The following CBFA2T2 variants were observed in gnomAD, a reference collection of about 807,000 sequenced individuals.
The protein encoded by CBFA2T2 is protein CBFA2T2.
Under a neutral mutation model 62.2 loss-of-function variants are expected in CBFA2T2, and 11 were observed. The observed-to-expected ratio is 0.18, with a 90% confidence interval of 0.11 to 0.29. The LOEUF is 0.29. Ranked by LOEUF, CBFA2T2 falls within the 10% of genes least tolerant of loss-of-function variation. The pLI is 1.00. For missense variants in CBFA2T2, 592 were observed against 774.1 expected, an observed-to-expected ratio of 0.76 and a Z score of 2.79; for synonymous variants, 295 against 287.5, an observed-to-expected ratio of 1.03 and a Z score of -0.27.
rs568783051 is a variant in CBFA2T2, at chr20:33,629,720, C to T, written c.1034C>T (p.Ala345Val). The change falls in exon 8 of 11, where the codon GCG becomes GTG. Residue 345 changes from alanine (A) to valine (V), a missense_variant and splice_region_variant. Physicochemically the swap from Ala to Val is moderately conservative, Grantham distance 64. This residue lies in a region of CBFA2T2 where 449 missense variants were observed against 551.2 expected (regional missense o/e 0.81). Coordinates refer to ENST00000342704, the MANE Select transcript of CBFA2T2 (RefSeq NM_001032999.3). ...TGCCTGGCCCCCTCTGTGACTCAGG[C>T]GCTGAATTGCATTATGGAAATGGTA... ...WADEWKHLDH[A>V]LNCIMEMVEK... is the part of the protein sequence containing the mutation. 44 of 1,611,322 alleles carry T rather than the reference C, an allele frequency of 2.7e-5. 1 individual carries two copies. The East Asian group carries it at 6.2e-4, about 23-fold the overall frequency.
intron 1 of CBFA2T2, among the ~76,000 whole-genome samples, chr20:33,520,954 ACACT>A (rs2011713503): frequency 6.8e-6 from 1 of 147,622 alleles, no homozygotes; most frequent in Non-Finnish European, 1.5e-5. Context: ...ACACACACAC[ACACT>A]TTCACCTGCC....
At chr20:33,512,395 A>C (rs1282107668) in intron 1 of CBFA2T2, among the ~76,000 whole-genome samples, 1 of 152,148 alleles carries the variant, frequency 6.6e-6, no homozygotes, top group Non-Finnish European at 1.5e-5. Context: ...ACCACTTCAG[A>C]AGCCTACCTT....
At chr20:33,512,117 C>T (rs1310463049) in intron 1 of CBFA2T2, among the ~76,000 whole-genome samples, 2 of 151,712 alleles carry the variant, frequency 1.3e-5, no homozygotes, top group Non-Finnish European at 2.9e-5. Flanking sequence ...GGGGAGGTTG[C>T]AGTGAGCTGA....
chr20:33,569,905 G>T lies in CBFA2T2; in HGVS notation c.35-37051G>T, dbSNP rs556181545. ...TCTATTTATTTTGGAGTTTAAAAAG[G>T]TACTAAAGCCAGGCCCTATGGTGTG... On this transcript the variant is annotated intron_variant, in intron 1 of 10. Transcript: ENST00000342704. Among the ~76,000 whole-genome samples, 7 of 152,200 alleles carry T rather than the reference G, an allele frequency of 4.6e-5. No individual in the cohort carries two copies. In the South Asian group the frequency reaches 1.5e-3, roughly 32 times the overall value.
intron 1 of CBFA2T2, among the ~76,000 whole-genome samples, chr20:33,595,712 G>T (rs929949863): frequency 2.0e-5 from 3 of 151,482 alleles, no homozygotes; most frequent in African/African-American, 7.3e-5. Flanking sequence ...CTAAATTTTT[G>T]TATGTTTTGT....
intron 1 of CBFA2T2, among the ~76,000 whole-genome samples, chr20:33,591,993 A>G (rs2014666957): frequency 6.6e-6 from 1 of 151,896 alleles, no homozygotes; most frequent in Non-Finnish European, 1.5e-5. Context: ...TTCTGTTTTC[A>G]TTGTCTGTCA....
intron 1 of CBFA2T2, among the ~76,000 whole-genome samples, chr20:33,531,216 G>T (rs934954904): frequency 3.9e-5 from 6 of 152,212 alleles, no homozygotes; most frequent in African/African-American, 1.4e-4. Context: ...GGAAATATTT[G>T]TTGAAGGGGA....
intron 1 of CBFA2T2, among the ~76,000 whole-genome samples, chr20:33,600,915 G>A (rs988301352): frequency 4.6e-5 from 7 of 151,836 alleles, no homozygotes. Context: ...ACAAGGGATT[G>A]TTTAAATGAA....
At chr20:33,601,507 C>T (rs572112777) in intron 1 of CBFA2T2, among the ~76,000 whole-genome samples, 2 of 152,206 alleles carry the variant, frequency 1.3e-5, no homozygotes, top group South Asian at 2.1e-4. Context: ...TCAGGTGATC[C>T]GCCCGCCTCA....
At chr20:33,501,582 T>G (rs957440430) in intron 1 of CBFA2T2, among the ~76,000 whole-genome samples, 3 of 151,018 alleles carry the variant, frequency 2.0e-5, no homozygotes, top group Non-Finnish European at 2.9e-5. Context: ...TAATTTTCCC[T>G]TGATAAGTTG....
In CBFA2T2 at chr20:33,513,771, G is replaced by A. The variant is rs185900409; in HGVS notation, c.34+23470G>A. On this transcript the variant is annotated intron_variant, in intron 1 of 10. Coordinates refer to ENST00000342704, the MANE Select transcript of CBFA2T2 (RefSeq NM_001032999.3). ...AGAGATTGCAGTGAGCCAAGATTGC[G>A]CAACTGCGCTACTGGCCGGGTGACA... Among the ~76,000 whole-genome samples the A allele has an allele frequency of 1.0e-3, 140 of 135,938 alleles. 1 individual carries two copies. Among genetic ancestry groups the A allele is most frequent in the Non-Finnish European group, 1.3e-3 (88 of 65,372 alleles). 89.2% of individuals were successfully genotyped at this position (135,938 alleles called of 152,430 possible).
At position 33,594,893 on chromosome 20, in the gene CBFA2T2, G is replaced by T. The variant is rs115130186; in HGVS notation, c.35-12063G>T. Among the ~76,000 whole-genome samples the T allele has an allele frequency of 5.4e-3, 819 of 152,288 alleles. 7 individuals carry two copies. Among genetic ancestry groups the T allele is most frequent in the African/African-American group, 0.019 (787 of 41,534 alleles). ...ATCAAATTTAATTTAAGTCTTTTCT[G>T]TTCATGTGAGAAATACTAAGCTGGT... On this transcript the variant is annotated intron_variant, in intron 1 of 10. Coordinates refer to ENST00000342704, the MANE Select transcript of CBFA2T2 (RefSeq NM_001032999.3).
rs1288132553 is a variant in CBFA2T2, at chr20:33,624,702, A to G, written c.693-62A>G. 5.7e-6 allele frequency: 9 copies of G among 1,577,516 alleles called. No individual in the cohort carries two copies. In the African/African-American group the frequency reaches 1.1e-4, roughly 19 times the overall value. On this transcript the variant is annotated intron_variant, in intron 5 of 10. Transcript: ENST00000342704. ...AATACCTAATACATAGTAGGTTCTC[A>G]GGAAATGTCTGCATGAACACTTGTT...
At chr20:33,530,636 C>T (rs186328484) in intron 1 of CBFA2T2, among the ~76,000 whole-genome samples, 11 of 152,006 alleles carry the variant, frequency 7.2e-5, no homozygotes, top group Middle Eastern at 3.4e-3. Flanking sequence ...AGGCTGGTCT[C>T]GGATCACCTT....
rs199805350 is a variant in CBFA2T2, at chr20:33,621,287, C to CTTTTTTTTT, written c.510+1699_510+1707dup. 2.5e-3 allele frequency among the ~76,000 whole-genome samples: 215 copies of CTTTTTTTTT among 85,280 alleles called. 17 individuals carry two copies. The highest frequency in any genetic ancestry group is 6.4e-3 in the African/African-American group (123 of 19,282). 55.9% of individuals were successfully genotyped at this position (85,280 alleles called of 152,430 possible). On this transcript the variant is annotated intron_variant, in intron 4 of 10. Transcript: ENST00000342704. ...TCTATAATACCTTTAATTTTACTGCCTTTTTTTTTTTTTTTTTTTTTTTTT... is the reference window on the plus strand; with the variant it reads ...TCTATAATACCTTTAATTTTACTGCCTTTTTTTTTTTTTTTTTTTTTTTTTTTTTTTTTT...
intron 1 of CBFA2T2, among the ~76,000 whole-genome samples, chr20:33,597,121 G>A (rs574139916): frequency 1.9e-3 from 293 of 151,612 alleles, no homozygotes; most frequent in African/African-American, 6.7e-3. Flanking sequence ...TTGTGGAGCC[G>A]GGGTCTTGCC....
At chr20:33,574,892 G>T (rs1376912475) in intron 1 of CBFA2T2, among the ~76,000 whole-genome samples, 1 of 152,182 alleles carries the variant, frequency 6.6e-6, no homozygotes, top group African/African-American at 2.4e-5. Context: ...AAAATGAAAA[G>T]ATTAAACTGA....
chr20:33,492,351 GC>G (rs1174844631), intron 1 of CBFA2T2, among the ~76,000 whole-genome samples: 1 of 151,228 alleles, frequency 6.6e-6, no homozygotes, highest in African/African-American at 2.4e-5. Context: ...AAATTGGGGG[GC>G]TCTTCTGCCT....
intron 2 of CBFA2T2, among the ~76,000 whole-genome samples, chr20:33,607,582 A>T (rs913953805): frequency 1.3e-5 from 2 of 152,198 alleles, no homozygotes; most frequent in African/African-American, 4.8e-5. Flanking sequence ...TTCTGGAGGC[A>T]AGAATGTAAA....
Sources: allele counts gnomAD v4.1 joint callset (sites outside exome capture counted in the v4.1 genomes callset), GRCh38; gene constraint gnomAD v4.1.1; regional missense constraint gnomAD v4.1.1; transcripts MANE v1.5; gene names NCBI Gene and HGNC (gene_info 2026-07-23, HGNC 2026-07-21).